Variants in PROSER2 observed in about 807,000 individuals in gnomAD.
PROSER2 encodes proline and serine-rich protein 2.
PROSER2 carries 18 observed loss-of-function variants against 14.6 expected under a neutral mutation model. The ratio of observed to expected loss-of-function variants is 1.23; its 90% CI spans 0.85 to 1.83. The LOEUF is 1.83. Ranked by LOEUF, PROSER2 falls within the 40% of genes most tolerant of loss-of-function variation. The pLI is 0.00. For synonymous variants in PROSER2, 367 were observed against 286.4 expected (o/e 1.28, Z -2.84); for missense variants, 823 against 629.8 (o/e 1.31, Z -3.28).
chr10:11,843,127 A>G (rs1375738330), intron 1 of PROSER2, among the ~76,000 whole-genome samples: 1 of 149,350 alleles, frequency 6.7e-6, no homozygotes, highest in East Asian at 2.0e-4. Flanking sequence ...TTTTTAGTAT[A>G]GACGGGGTTT....
chr10:11,844,007 T>C (rs578086181), intron 1 of PROSER2, among the ~76,000 whole-genome samples: 27 of 152,246 alleles, frequency 1.8e-4, no homozygotes, highest in African/African-American at 5.8e-4. Flanking sequence ...ATTTGATTGA[T>C]TGAGACAGGG....
rs1050102376 is a variant in PROSER2, at chr10:11,823,775, G to T, written c.-82+305G>T. Among the ~76,000 whole-genome samples, 1 of 152,302 alleles carries T rather than the reference G, an allele frequency of 6.6e-6. No individual in the cohort carries two copies. Among genetic ancestry groups the T allele is most frequent in the Admixed American group, 6.5e-5 (1 of 15,306 alleles). On this transcript the variant is annotated intron_variant, in intron 1 of 3. Transcript: ENST00000277570. This position sits in a 1 kb window ranked among gnomAD's most constrained non-coding sequence, Gnocchi z 6.2. ...ATCCTGGGGGCTCAGGGGTGGAGGC[G>T]GGTTTCCCAGCCTTGGGCGCAGAGG...
In PROSER2 at chr10:11,836,120, C is replaced by T. The variant is rs1833756565; in HGVS notation, c.-82+12650C>T. ...GATCTTGGCTCACTGCAACCTCGGC[C>T]TTCTGGGTTCAAGCGATTCTCCTGC... On this transcript the variant is annotated intron_variant, in intron 1 of 3. Transcript: ENST00000277570. This position sits in a 1 kb window ranked among gnomAD's most constrained non-coding sequence, Gnocchi z 4.6. Among the ~76,000 whole-genome samples the T allele has an allele frequency of 6.6e-6, 1 of 152,132 alleles. No homozygotes were observed. The highest frequency in any genetic ancestry group is 1.5e-5 in the Non-Finnish European group (1 of 68,024).
At chr10:11,854,101 C>A (rs2131074190) in intron 2 of PROSER2, among the ~76,000 whole-genome samples, 1 of 152,280 alleles carries the variant, frequency 6.6e-6, no homozygotes, top group Middle Eastern at 3.4e-3. Flanking sequence ...CAGCCTTAGA[C>A]CTGTTCTCCT....
chr10:11,823,775 G>A lies in PROSER2; in HGVS notation c.-82+305G>A, dbSNP rs1050102376. On this transcript the variant is annotated intron_variant, in intron 1 of 3. Transcript: ENST00000277570. The surrounding 1 kb of genome is among the most constrained non-coding windows in gnomAD (Gnocchi z 6.2). ...ATCCTGGGGGCTCAGGGGTGGAGGC[G>A]GGTTTCCCAGCCTTGGGCGCAGAGG... Among the ~76,000 whole-genome samples, 3 of 152,186 alleles carry A rather than the reference G, an allele frequency of 2.0e-5. No homozygotes were observed. The highest frequency in any genetic ancestry group is 4.8e-5 in the African/African-American group (2 of 41,462).
At position 11,866,743 on chromosome 10, in the gene PROSER2, C is replaced by G. The variant is rs148128731; in HGVS notation, c.351C>G (p.Ala117=). 3.1e-6 allele frequency: 5 copies of G among 1,613,150 alleles called. 1 individual carries two copies. In the Admixed American group the frequency reaches 8.3e-5, roughly 27 times the overall value. ...ACTTAGTGCAGCCAGCACCTGGCGC[C>G]GGGGAAGCCGAGGGCCTTCCAGAGG... The part of the protein sequence containing the change: ...VIDLVQPAPG[A]GEAEGLPEGT... The change falls in exon 3 of 4, where the codon GCC becomes GCG. Residue 117 remains alanine, a synonymous_variant. Coordinates refer to ENST00000277570, the MANE Select transcript of PROSER2 (RefSeq NM_153256.4). The surrounding 1 kb of genome is among the most constrained non-coding windows in gnomAD (Gnocchi z 6.0).
rs1833675526 is a variant in PROSER2 at position 11,830,430 on chromosome 10, T to C, written c.-82+6960T>C. On this transcript the variant is annotated intron_variant, in intron 1 of 3. Transcript: ENST00000277570. The surrounding 1 kb of genome is among the most constrained non-coding windows in gnomAD (Gnocchi z 4.5). ...CACATTTTCTTTATCCTGTCGTCTG[T>C]CGATGGACGCCTAGATTGATTCTGT... Among the ~76,000 whole-genome samples, 1 of 152,208 alleles carries C rather than the reference T, an allele frequency of 6.6e-6. No homozygotes were observed. The highest frequency in any genetic ancestry group is 2.4e-5 in the African/African-American group (1 of 41,450).
At position 11,862,303 on chromosome 10, in the gene PROSER2, A is replaced by G. The variant is rs375848580; in HGVS notation, c.139-4228A>G. On this transcript the variant is annotated intron_variant, in intron 2 of 3. Transcript: ENST00000277570. The surrounding 1 kb of genome is among the most constrained non-coding windows in gnomAD (Gnocchi z 4.2). ...TGCAAATTGACAAACTGATACTAAA[A>G]TTTATGTGGAAATAAAAAAGGACTA... Among the ~76,000 whole-genome samples the G allele has an allele frequency of 1.4e-4, 22 of 152,294 alleles. 1 individual carries two copies. In the South Asian group the frequency reaches 4.4e-3, roughly 30 times the overall value.
At position 11,865,683 on chromosome 10, in the gene PROSER2, G is replaced by A. The variant is rs904690460; in HGVS notation, c.139-848G>A. On this transcript the variant is annotated intron_variant, in intron 2 of 3. Coordinates refer to ENST00000277570, the MANE Select transcript of PROSER2 (RefSeq NM_153256.4). This position sits in a 1 kb window ranked among gnomAD's most constrained non-coding sequence, Gnocchi z 4.2. ...ATGCACAGTCCTCCATCTGGAGGGC[G>A]GTCACTTGGCTGCACTGACAGCCCA... Among the ~76,000 whole-genome samples, 15 of 152,156 alleles carry A rather than the reference G, an allele frequency of 9.9e-5. No individual in the cohort carries two copies. The highest frequency in any genetic ancestry group is 7.7e-4 in the East Asian group (4 of 5,198).
chr10:11,843,331 T>A (rs192695794), intron 1 of PROSER2, among the ~76,000 whole-genome samples: 386 of 150,522 alleles, frequency 2.6e-3, no homozygotes, highest in African/African-American at 8.8e-3. Flanking sequence ...GGCAGGCGGA[T>A]CACCTGAGGT....
At chr10:11,840,642 G>A (rs1453372684) in intron 1 of PROSER2, among the ~76,000 whole-genome samples, 3 of 151,864 alleles carry the variant, frequency 2.0e-5, no homozygotes, top group Non-Finnish European at 4.4e-5. Flanking sequence ...ATTAGATAGT[G>A]GGGGCCAGGC....
chr10:11,849,013 C>T (rs896683157), intron 1 of PROSER2, among the ~76,000 whole-genome samples: 4 of 152,172 alleles, frequency 2.6e-5, no homozygotes, highest in African/African-American at 7.2e-5. Flanking sequence ...ATGGTGAAAC[C>T]CCGTCTATAC....
chr10:11,861,166 C>T (rs1464237104), intron 2 of PROSER2, among the ~76,000 whole-genome samples: 1 of 152,230 alleles, frequency 6.6e-6, no homozygotes, highest in Non-Finnish European at 1.5e-5. Flanking sequence ...CATGATCTTT[C>T]CAAAATGCTG....
intron 1 of PROSER2, among the ~76,000 whole-genome samples, chr10:11,844,244 G>A (rs951968646): frequency 1.3e-5 from 2 of 151,980 alleles, no homozygotes; most frequent in African/African-American, 4.8e-5. Context: ...CTCCCACTCA[G>A]CCTCCCAAAG....
chr10:11,860,037 C>T (rs1834204553), intron 2 of PROSER2, among the ~76,000 whole-genome samples: 1 of 152,236 alleles, frequency 6.6e-6, no homozygotes, highest in African/African-American at 2.4e-5. Flanking sequence ...GCACTCTCTG[C>T]TTCTGCTCTC....
At chr10:11,841,430 T>G (rs1475805427) in intron 1 of PROSER2, among the ~76,000 whole-genome samples, 1 of 152,152 alleles carries the variant, frequency 6.6e-6, no homozygotes, top group African/African-American at 2.4e-5. Flanking sequence ...TCTATTTAAT[T>G]TCATGTTCTT....
Position 11,837,742 on chromosome 10 carries a change from C to T in PROSER2, c.-81-14255C>T, listed in dbSNP as rs1833781356. 6.6e-6 allele frequency among the ~76,000 whole-genome samples: 1 copy of T among 152,222 alleles called. No homozygotes were observed. Among genetic ancestry groups the T allele is most frequent in the Non-Finnish European group, 1.5e-5 (1 of 68,038 alleles). On this transcript the variant is annotated intron_variant, in intron 1 of 3. Transcript: ENST00000277570. This position sits in a 1 kb window ranked among gnomAD's most constrained non-coding sequence, Gnocchi z 4.6. ...TATAAGACACGATTTCTTTCCCTCA[C>T]ATTTCCTCGGTGCAAAACCTAATAG...
Position 11,869,752 on chromosome 10 carries a change from G to T in PROSER2, c.654G>T (p.Arg218Ser), listed in dbSNP as rs778294970. 1.3e-6 allele frequency: 2 copies of T among 1,580,414 alleles called. No homozygotes were observed. Among genetic ancestry groups the T allele is most frequent in the South Asian group, 2.3e-5 (2 of 86,226 alleles). ...CCCTCTCGCCCACCTCCCCGTTCAG[G>T]GAGGGCCGGCCCGGGGAGTGGAGGA... ...NEALSPTSPFREGRPGEWRTP... is the reference protein window; with the variant it reads ...NEALSPTSPFSEGRPGEWRTP... Residue 218 changes from arginine to serine, a missense_variant, in exon 4 of 4, where the codon AGG becomes AGT. Transcript: ENST00000277570. This position sits in a 1 kb window ranked among gnomAD's most constrained non-coding sequence, Gnocchi z 4.4.
chr10:11,838,044 T>C lies in PROSER2; in HGVS notation c.-81-13953T>C, dbSNP rs1833786121. ...CTGACATACTGGGTCTTTCAAAGGC[T>C]CCAAGGTGCTGAAATGACCTGATAA... On this transcript the variant is annotated intron_variant, in intron 1 of 3. Transcript: ENST00000277570. This position sits in a 1 kb window ranked among gnomAD's most constrained non-coding sequence, Gnocchi z 4.4. 6.6e-6 allele frequency among the ~76,000 whole-genome samples: 1 copy of C among 152,132 alleles called. No individual in the cohort carries two copies. Among genetic ancestry groups the C allele is most frequent in the Non-Finnish European group, 1.5e-5 (1 of 68,030 alleles).
Sources: gnomAD v4.1 joint callset for allele counts (sites outside exome capture counted in the v4.1 genomes callset) on GRCh38, gnomAD v4.1.1 for gene constraint, Gnocchi (gnomAD v3.1) non-coding constraint, MANE v1.5 for transcripts, NCBI Gene and HGNC (gene_info 2026-07-23, HGNC 2026-07-21) for gene names.